PTPRG: variants seen among roughly 807,000 people sequenced by gnomAD.
The protein encoded by PTPRG is receptor-type tyrosine-protein phosphatase gamma.
A neutral mutation model predicts 165.3 loss-of-function variants in PTPRG; 102 were observed. The ratio of observed to expected loss-of-function variants is 0.62; its 90% CI spans 0.53 to 0.73. The LOEUF (loss-of-function observed/expected upper bound fraction) is 0.73. Among genes scored for constraint, PTPRG ranks in the 30% least tolerant of loss-of-function variants. The pLI is 0.00. For synonymous variants in PTPRG, 675 were observed against 669.5 expected (o/e 1.01, Z -0.13); for missense variants, 1,866 against 1,861.4 (o/e 1.00, Z -0.05).
At chr3:61,646,864 G>A (rs1044613721) in intron 1 of PTPRG, among the ~76,000 whole-genome samples, 2 of 152,090 alleles carry the variant, frequency 1.3e-5, no homozygotes, top group Non-Finnish European at 2.9e-5. Context: ...ATTATATAAA[G>A]GAAATCATAC....
rs1017388132 is a variant in PTPRG at position 61,907,939 on chromosome 3, G to A, written c.191-81686G>A. On this transcript the variant is annotated intron_variant, in intron 2 of 29. Coordinates refer to ENST00000474889, the MANE Select transcript of PTPRG (RefSeq NM_002841.4). ...CCAGGAGTTTGATGCCAGCAACATA[G>A]CGAGACCCCCGTCTCTGTGGAAAGT... Among the ~76,000 whole-genome samples, 13 of 126,242 alleles carry A rather than the reference G, an allele frequency of 1.0e-4. No individual in the cohort carries two copies. In the East Asian group the frequency reaches 1.0e-3, roughly 10 times the overall value. 82.8% of individuals were successfully genotyped at this position (126,242 alleles called of 152,430 possible).
chr3:61,752,796 A>AG (rs2033488449), intron 2 of PTPRG, among the ~76,000 whole-genome samples: 2 of 82,016 alleles, frequency 2.4e-5, no homozygotes, highest in Non-Finnish European at 2.3e-5. Flanking sequence ...AAAAAAAAAA[A>AG]AAAAAGAAAA....
At chr3:62,276,679 A>G (rs1282331514) in intron 24 of PTPRG, 2 of 328,692 alleles carry the variant, frequency 6.1e-6, no homozygotes, top group Non-Finnish European at 1.1e-5. Context: ...AAAGTTATCT[A>G]AAATCCTCTG....
intron 2 of PTPRG, among the ~76,000 whole-genome samples, chr3:61,958,010 T>G (rs532744482): frequency 6.6e-5 from 10 of 152,246 alleles, no homozygotes; most frequent in Admixed American, 2.6e-4. Flanking sequence ...TCTGGTTTGT[T>G]AGTTATCCTT....
At chr3:61,961,756 G>A (rs1258030193) in intron 2 of PTPRG, among the ~76,000 whole-genome samples, 1 of 152,128 alleles carries the variant, frequency 6.6e-6, no homozygotes, top group Non-Finnish European at 1.5e-5. Flanking sequence ...TGGTCCCTGG[G>A]ACTAACAGCA....
chr3:61,822,351 T>G (rs755680263), intron 2 of PTPRG, among the ~76,000 whole-genome samples: 37 of 152,236 alleles, frequency 2.4e-4, no homozygotes, highest in Non-Finnish European at 3.2e-4. Context: ...GTTGGCTTCA[T>G]GTTTTGAGAA....
intron 2 of PTPRG, among the ~76,000 whole-genome samples, chr3:61,896,876 C>A (rs1418104624): frequency 6.6e-6 from 1 of 151,626 alleles, no homozygotes; most frequent in African/African-American, 2.4e-5. Flanking sequence ...CTTTGGTGAA[C>A]TATTCGTGTC....
At chr3:61,709,225 T>C (rs1472062726) in intron 1 of PTPRG, among the ~76,000 whole-genome samples, 2 of 152,256 alleles carry the variant, frequency 1.3e-5, no homozygotes, top group Admixed American at 6.5e-5. Flanking sequence ...GTGTGACATG[T>C]CAGCCTGACC....
intron 1 of PTPRG, among the ~76,000 whole-genome samples, chr3:61,681,789 T>A (rs1480043348): frequency 6.6e-6 from 1 of 152,136 alleles, no homozygotes; most frequent in African/African-American, 2.4e-5. Context: ...AATTTTGGAT[T>A]AGTAATGTTG....
intron 2 of PTPRG, among the ~76,000 whole-genome samples, chr3:61,794,742 C>T (rs2034994629): frequency 6.6e-6 from 1 of 151,956 alleles, no homozygotes; most frequent in Non-Finnish European, 1.5e-5. Flanking sequence ...TGAAGATTTT[C>T]GTTTGAAAGC....
intron 2 of PTPRG, among the ~76,000 whole-genome samples, chr3:61,830,021 T>C (rs1168346303): frequency 6.6e-6 from 1 of 152,364 alleles, no homozygotes; most frequent in South Asian, 2.1e-4. Context: ...GAGAAACCTT[T>C]GCATGTGGTG....
intron 1 of PTPRG, among the ~76,000 whole-genome samples, chr3:61,721,248 T>G (rs1041917908): frequency 1.3e-5 from 2 of 152,208 alleles, no homozygotes; most frequent in African/African-American, 4.8e-5. Flanking sequence ...CAACCTGAAC[T>G]ATTTTAGCGC....
chr3:61,989,869 T>C, intron 3 of PTPRG, 65 bp downstream of exon 3: 2 of 1,562,012 alleles, frequency 1.3e-6, no homozygotes, highest in Non-Finnish European at 1.7e-6. Context: ...TCTCTGGTGT[T>C]TTCCTTAACC....
chr3:62,011,539 A>T (rs1248913387), intron 4 of PTPRG, among the ~76,000 whole-genome samples: 1 of 151,742 alleles, frequency 6.6e-6, no homozygotes, highest in East Asian at 1.9e-4. Flanking sequence ...ACTTCCATCA[A>T]ATGGGAAAGG....
At chr3:61,716,517 A>G (rs2031814020) in intron 1 of PTPRG, among the ~76,000 whole-genome samples, 1 of 152,152 alleles carries the variant, frequency 6.6e-6, no homozygotes, top group Non-Finnish European at 1.5e-5. Flanking sequence ...AGAAAGTGGT[A>G]TATTTATTAC....
chr3:61,874,164 T>C (rs909838348), intron 2 of PTPRG, among the ~76,000 whole-genome samples: 4 of 152,166 alleles, frequency 2.6e-5, no homozygotes, highest in Non-Finnish European at 5.9e-5. Context: ...TCACCTTATC[T>C]TTCCAGGTTG....
At chr3:62,191,998 G>T (rs897115670) in intron 9 of PTPRG, among the ~76,000 whole-genome samples, 2 of 152,116 alleles carry the variant, frequency 1.3e-5, no homozygotes, top group African/African-American at 4.8e-5. Context: ...TACTAAATGA[G>T]CTATGCAAGT....
chr3:61,732,708 C>G (rs894351976), intron 1 of PTPRG, among the ~76,000 whole-genome samples: 2 of 124,546 alleles, frequency 1.6e-5, no homozygotes, highest in Admixed American at 9.1e-5. Flanking sequence ...GACTCCGTCT[C>G]AAAATAAATA....
chr3:61,756,371 TG>T (rs1196343445), intron 2 of PTPRG, among the ~76,000 whole-genome samples: 9 of 152,202 alleles, frequency 5.9e-5, no homozygotes, highest in Non-Finnish European at 1.3e-4. Flanking sequence ...AGTTCATGTG[TG>T]GTTCCAAGGG....
Sources: allele counts gnomAD v4.1 joint callset (sites outside exome capture counted in the v4.1 genomes callset), GRCh38; gene constraint gnomAD v4.1.1; transcripts MANE v1.5; gene names NCBI Gene and HGNC (gene_info 2026-07-23, HGNC 2026-07-21).